The following CACNB2 variants were observed in gnomAD, a reference collection of about 807,000 sequenced individuals.
The protein encoded by CACNB2 is voltage-dependent L-type calcium channel subunit beta-2.
Under a neutral mutation model 73.3 loss-of-function variants are expected in CACNB2, and 42 were observed. That is an observed-to-expected ratio of 0.57 (90% CI 0.45 to 0.74). CACNB2 has a LOEUF of 0.74. Among genes scored for constraint, CACNB2 ranks in the 30% least tolerant of loss-of-function variants. The pLI is 0.00. For missense variants in CACNB2, 940 were observed against 853.0 expected, an observed-to-expected ratio of 1.10 and a Z score of -1.27; for synonymous variants, 348 against 310.3, an observed-to-expected ratio of 1.12 and a Z score of -1.28.
At chr10:18,152,617 A>G (rs1255560897) in intron 2 of CACNB2, among the ~76,000 whole-genome samples, 1 of 144,376 alleles carries the variant, frequency 6.9e-6, no homozygotes, top group African/African-American at 2.5e-5. Context: ...ATTTCAAGCT[A>G]TTTATTCTGC....
At chr10:18,425,796 G>T (rs2045569467) in intron 3 of CACNB2, among the ~76,000 whole-genome samples, 1 of 151,952 alleles carries the variant, frequency 6.6e-6, no homozygotes, top group Non-Finnish European at 1.5e-5. Flanking sequence ...GATCTTTCTG[G>T]AACTGGCTTT....
chr10:18,339,246 C>T (rs1395457490), intron 2 of CACNB2, among the ~76,000 whole-genome samples: 3 of 151,844 alleles, frequency 2.0e-5, no homozygotes, highest in African/African-American at 7.3e-5. Flanking sequence ...ACAGGCTGGG[C>T]ACAGTGGCTC....
chr10:18,141,278 C>T (rs1172116560), intron 1 of CACNB2: 1 of 1,350,286 alleles, frequency 7.4e-7, no homozygotes, highest in Non-Finnish European at 1.0e-6. Flanking sequence ...GCCGACTCTC[C>T]TGGCCACGCT....
At chr10:18,209,568 G>T (rs543249783) in intron 2 of CACNB2, among the ~76,000 whole-genome samples, 216 of 152,188 alleles carry the variant, frequency 1.4e-3, no homozygotes, top group African/African-American at 5.0e-3. Context: ...TTGTAAACAG[G>T]TTATTTTTTC....
chr10:18,251,411 C>A (rs932906434), intron 2 of CACNB2, among the ~76,000 whole-genome samples: 2 of 152,012 alleles, frequency 1.3e-5, no homozygotes, highest in African/African-American at 4.8e-5. Flanking sequence ...CAACGCCCAG[C>A]CAATTTTTGT....
At chr10:18,490,876 G>T (rs1188822738) in intron 3 of CACNB2, among the ~76,000 whole-genome samples, 2 of 151,794 alleles carry the variant, frequency 1.3e-5, no homozygotes, top group Non-Finnish European at 2.9e-5. Flanking sequence ...GAGTTAAAGG[G>T]TGGCAGGAAA....
intron 2 of CACNB2, among the ~76,000 whole-genome samples, chr10:18,257,628 G>T (rs375554351): frequency 6.6e-6 from 1 of 152,120 alleles, no homozygotes; most frequent in Non-Finnish European, 1.5e-5. Flanking sequence ...ATGCAATTCC[G>T]TCCATTCTGC....
intron 1 of CACNB2, 27 bp from the exon 2 acceptor site, chr10:18,150,856 T>TTTTTG: frequency 4.5e-5 from 10 of 219,782 alleles, no homozygotes; most frequent in Non-Finnish European, 7.7e-5. Context: ...CTTATTTGTC[T>TTTTTG]TTTTTTTTTT....
In CACNB2 at chr10:18,442,954, ATATGTATATATATATG is replaced by A. The variant is rs1564553522; in HGVS notation, c.333+40913_333+40928del. Reference sequence around the variant, plus strand: ...TATATATATATATGTGTATATATATATATGTATATATATATGTGTATATATATATATGTATATATAT... The same window carrying A: ...TATATATATATATGTGTATATATATATGTATATATATATATGTATATATAT... On this transcript the variant is annotated intron_variant, in intron 3 of 13. Coordinates refer to ENST00000324631, the MANE Select transcript of CACNB2 (RefSeq NM_201596.3). Among the ~76,000 whole-genome samples, 154 of 17,578 alleles carry A rather than the reference ATATGTATATATATATG, an allele frequency of 8.8e-3. 15 individuals are homozygous for A. Among genetic ancestry groups the A allele is most frequent in the East Asian group, 0.015 (3 of 200 alleles). 11.5% of individuals were successfully genotyped at this position (17,578 alleles called of 152,430 possible).
chr10:18,538,228 G>T lies in CACNB2; in HGVS notation c.1351G>T (p.Glu451Ter), dbSNP rs1351959757. Residue 451 changes from glutamate (E) to a stop codon, truncating the protein, a stop_gained, in exon 13 of 14, where the codon GAG (glutamate) becomes TAG (stop). Coordinates refer to ENST00000324631, the MANE Select transcript of CACNB2 (RefSeq NM_201596.3). LOFTEE classifies it high-confidence loss of function. Reference sequence around the variant, plus strand: ...TGAGAACCAGCTTGAGGATGCCTGTGAGCACCTTGCCGACTATCTGGAGGC... The same window carrying T: ...TGAGAACCAGCTTGAGGATGCCTGTTAGCACCTTGCCGACTATCTGGAGGC... ...LDENQLEDAC[E>*]HLADYLEAYW... 1 of 1,614,092 alleles carries T rather than the reference G, an allele frequency of 6.2e-7. No homozygotes were observed.
At chr10:18,258,320 G>A (rs935526341) in intron 2 of CACNB2, among the ~76,000 whole-genome samples, 13 of 152,184 alleles carry the variant, frequency 8.5e-5, no homozygotes, top group Non-Finnish European at 1.9e-4. Context: ...ATCATAGAGG[G>A]GATAGATCAT....
chr10:18,189,225 G>C (rs1053472041), intron 2 of CACNB2, among the ~76,000 whole-genome samples: 9 of 152,086 alleles, frequency 5.9e-5, no homozygotes, highest in African/African-American at 2.2e-4. Flanking sequence ...TTCAGTTGTG[G>C]CTTTCAGGGC....
chr10:18,169,114 G>A (rs979728962), intron 2 of CACNB2, among the ~76,000 whole-genome samples: 1 of 151,828 alleles, frequency 6.6e-6, no homozygotes. Context: ...AAAGAAAATC[G>A]AGCATGATCA....
intron 2 of CACNB2, among the ~76,000 whole-genome samples, chr10:18,328,057 C>A (rs2040653462): frequency 6.6e-6 from 1 of 152,112 alleles, no homozygotes; most frequent in South Asian, 2.1e-4. Context: ...GGAAAGAGGA[C>A]CTGAAAAGAT....
Position 18,471,779 on chromosome 10 carries a change from A to G in CACNB2, c.334-26576A>G, listed in dbSNP as rs2048200648. On this transcript the variant is annotated intron_variant, in intron 3 of 13. Transcript: ENST00000324631. ...TTCTGACTCAGAAGGGATCTTAAAA[A>G]TGTCCTTTTATAATTGAGGTAAAGA... 2.0e-5 allele frequency among the ~76,000 whole-genome samples: 3 copies of G among 152,358 alleles called. No individual in the cohort carries two copies. The South Asian group carries it at 6.2e-4, about 32-fold the overall frequency.
At chr10:18,351,390 C>T (rs1484084154) in intron 2 of CACNB2, among the ~76,000 whole-genome samples, 1 of 152,146 alleles carries the variant, frequency 6.6e-6, no homozygotes, top group East Asian at 1.9e-4. Flanking sequence ...TTTTCTGATT[C>T]TGCAATATAC....
chr10:18,226,000 C>CT (rs916501005), intron 2 of CACNB2, among the ~76,000 whole-genome samples: 13 of 150,362 alleles, frequency 8.6e-5, no homozygotes, highest in Non-Finnish European at 1.5e-4. Context: ...ATGAGAGATG[C>CT]TTTTTTTTAA....
In CACNB2 at chr10:18,301,773, C is replaced by T. The variant is rs111584363; in HGVS notation, c.214-100151C>T. Among the ~76,000 whole-genome samples the T allele has an allele frequency of 1.5e-3, 229 of 151,922 alleles. 3 individuals carry two copies. The highest frequency in any genetic ancestry group is 5.1e-3 in the African/African-American group (212 of 41,476). On this transcript the variant is annotated intron_variant, in intron 2 of 13. Coordinates refer to ENST00000324631, the MANE Select transcript of CACNB2 (RefSeq NM_201596.3). The stretch of plus-strand genomic sequence containing the variant: ...CAATGATTCTCCTGCCTCAGCCTCC[C>T]GAGTAGCTGGGATTACAGGCATCTG...
chr10:18,154,786 C>T (rs2031906283), intron 2 of CACNB2, among the ~76,000 whole-genome samples: 1 of 152,052 alleles, frequency 6.6e-6, no homozygotes, highest in Non-Finnish European at 1.5e-5. Flanking sequence ...TTTAAGAAGA[C>T]AAAAAGAGAA....
Sources: gnomAD v4.1 joint callset for allele counts (sites outside exome capture counted in the v4.1 genomes callset) on GRCh38, gnomAD v4.1.1 for gene constraint, MANE v1.5 for transcripts, NCBI Gene and HGNC (gene_info 2026-07-23, HGNC 2026-07-21) for gene names.